KALRN: variants seen among roughly 807,000 people sequenced by gnomAD.
KALRN encodes the protein kalirin.
In KALRN, 70 loss-of-function variants were observed where a neutral mutation model predicts 353.7. That is an observed-to-expected ratio of 0.20 (90% CI 0.16 to 0.24). The LOEUF (loss-of-function observed/expected upper bound fraction) is 0.24. Among genes scored for constraint, KALRN ranks in the 10% least tolerant of loss-of-function variants. KALRN has a pLI of 1.00. For missense variants in KALRN, 2,791 were observed against 3,756.7 expected (o/e 0.74, Z 6.72); for synonymous variants, 1,391 against 1,434.8 (o/e 0.97, Z 0.69).
chr3:124,429,740 G>A (rs1449589413), intron 15 of KALRN, among the ~76,000 whole-genome samples: 1 of 152,160 alleles, frequency 6.6e-6, no homozygotes, highest in Non-Finnish European at 1.5e-5. Flanking sequence ...TTCTCCCAGT[G>A]ATTGTTAACA....
Position 124,642,261 on chromosome 3 carries a change from G to A in KALRN, c.5664+4958G>A, listed in dbSNP as rs555118827. ...ATCGCGCCACTGCACTCCAGCCTGG[G>A]GTGACAAAGCAAGACTGTCTCTACA... On this transcript the variant is annotated intron_variant, in intron 37 of 59. Coordinates refer to ENST00000682506, the MANE Select transcript of KALRN (RefSeq NM_001388419.1). Among the ~76,000 whole-genome samples the A allele has an allele frequency of 2.0e-5, 3 of 151,762 alleles. No individual in the cohort carries two copies. In the South Asian group the frequency reaches 6.3e-4, roughly 32 times the overall value.
At chr3:124,466,429 C>T (rs752134084) in intron 25 of KALRN, among the ~76,000 whole-genome samples, 15 of 152,196 alleles carry the variant, frequency 9.9e-5, no homozygotes, top group Non-Finnish European at 1.6e-4. Context: ...TTTGTTAATG[C>T]AGTCTTCCCA....
In KALRN at chr3:124,657,649, G is replaced by C. The variant is rs1292729898; in HGVS notation, c.5967-85G>C. On this transcript the variant is annotated intron_variant, in intron 40 of 59. Transcript: ENST00000682506. ...CTCAAGGAGTAGGGCTTAGGGGAGA[G>C]TCTTCTGTAATTCATCTTATTATTG... 3.7e-6 allele frequency: 5 copies of C among 1,366,658 alleles called. No individual in the cohort carries two copies. In the African/African-American group the frequency reaches 5.7e-5, roughly 16 times the overall value. 84.7% of individuals were successfully genotyped at this position (1,366,658 alleles called of 1,614,324 possible). A position where few individuals can be genotyped will look rare whatever the true frequency, so the allele number is the denominator to read the frequency against.
intron 17 of KALRN, among the ~76,000 whole-genome samples, chr3:124,437,988 G>A (rs1459268455): frequency 6.6e-6 from 1 of 152,018 alleles, no homozygotes; most frequent in African/African-American, 2.4e-5. Flanking sequence ...GTTTTTATTT[G>A]TATTATTTTT....
At chr3:124,591,354 T>G (rs2075755201) in intron 34 of KALRN, among the ~76,000 whole-genome samples, 1 of 152,148 alleles carries the variant, frequency 6.6e-6, no homozygotes, top group Admixed American at 6.6e-5. Flanking sequence ...CCCAAGCCGG[T>G]CTTGAACTTC....
rs139574813 is a variant in KALRN, at chr3:124,570,394, G to A, written c.5182+7305G>A. Among the ~76,000 whole-genome samples, 402 of 152,286 alleles carry A rather than the reference G, an allele frequency of 2.6e-3. 4 individuals carry two copies. Among genetic ancestry groups the A allele is most frequent in the African/African-American group, 9.3e-3 (387 of 41,556 alleles). On this transcript the variant is annotated intron_variant, in intron 34 of 59. Transcript: ENST00000682506. ...GTACTGGTAATTGACTAGATGTGAGGTAGTCCTTTGAGATTCAGAACTCAC... is the reference window on the plus strand; with the variant it reads ...GTACTGGTAATTGACTAGATGTGAGATAGTCCTTTGAGATTCAGAACTCAC...
At chr3:124,707,394 T>TTTCCTTCC (rs368400674) in intron 57 of KALRN, among the ~76,000 whole-genome samples, 8,568 of 140,666 alleles carry the variant, frequency 0.061, 354 homozygotes, top group African/African-American at 0.094. Context: ...AGAATAGCAG[T>TTTCCTTCC]TTCCTTCCTT....
chr3:124,036,512 T>G (rs1359517511), intron 1 of KALRN, among the ~76,000 whole-genome samples: 1 of 152,020 alleles, frequency 6.6e-6, no homozygotes, highest in Non-Finnish European at 1.5e-5. Flanking sequence ...TTGTGAACAG[T>G]GCTGCAATGA....
intron 2 of KALRN, among the ~76,000 whole-genome samples, chr3:124,229,931 G>A (rs1167722462): frequency 2.0e-5 from 3 of 152,242 alleles, no homozygotes; most frequent in East Asian, 1.9e-4. Flanking sequence ...TGTTGAACAG[G>A]CAGAACAACT....
chr3:124,542,929 G>A (rs986252765), intron 33 of KALRN, among the ~76,000 whole-genome samples: 1 of 152,198 alleles, frequency 6.6e-6, no homozygotes, highest in Non-Finnish European at 1.5e-5. Flanking sequence ...TTTCTTGTGA[G>A]GCGGTAGTCA....
chr3:124,526,551 G>A (rs2067608317), intron 33 of KALRN, among the ~76,000 whole-genome samples: 1 of 152,066 alleles, frequency 6.6e-6, no homozygotes, highest in African/African-American at 2.4e-5. Context: ...CTCCAGCCTG[G>A]GCAATGGAGC....
chr3:124,264,403 T>C, intron 3 of KALRN, 95 bp from the exon 4 acceptor site: 1 of 994,014 alleles, frequency 1.0e-6, no homozygotes. Context: ...GTGATTCTGG[T>C]CAAGGGGAGT....
At position 124,408,544 on chromosome 3, in the gene KALRN, A is replaced by G. The variant is rs149874540; in HGVS notation, c.2347-4926A>G. ...ATAAAGTTGATCAAACACTTAACAC[A>G]TTGCCTGCCCCATAATAAATGCACA... On this transcript the variant is annotated intron_variant, in intron 13 of 59. Transcript: ENST00000682506. 1.4e-3 allele frequency among the ~76,000 whole-genome samples: 209 copies of G among 152,318 alleles called. 1 individual carries two copies. Among genetic ancestry groups the G allele is most frequent in the South Asian group, 4.6e-3 (22 of 4,822 alleles).
At chr3:124,495,985 A>G (rs1240026534) in intron 32 of KALRN, among the ~76,000 whole-genome samples, 57 of 47,692 alleles carry the variant, frequency 1.2e-3, no homozygotes, top group Middle Eastern at 6.3e-3. Context: ...ATATATATAT[A>G]TATATATATA....
intron 5 of KALRN, among the ~76,000 whole-genome samples, chr3:124,271,825 T>C (rs1467173572): frequency 6.6e-6 from 1 of 152,252 alleles, no homozygotes; most frequent in African/African-American, 2.4e-5. Context: ...TGGACTCTTT[T>C]GGTCTGGTGA....
intron 34 of KALRN, among the ~76,000 whole-genome samples, chr3:124,596,953 G>A (rs1307939100): frequency 6.6e-6 from 1 of 152,080 alleles, no homozygotes; most frequent in Non-Finnish European, 1.5e-5. Flanking sequence ...GGAGACTGAG[G>A]CGTGAGAATC....
intron 1 of KALRN, among the ~76,000 whole-genome samples, chr3:124,189,853 C>T: frequency 6.7e-6 from 1 of 150,224 alleles, no homozygotes; most frequent in Admixed American, 6.6e-5. Flanking sequence ...GCAGGAGAAT[C>T]ACTTGAACCC....
intron 34 of KALRN, among the ~76,000 whole-genome samples, chr3:124,605,585 A>G (rs968329350): frequency 8.2e-6 from 1 of 122,250 alleles, no homozygotes; most frequent in Non-Finnish European, 1.9e-5. Flanking sequence ...AAAAAAAAAA[A>G]AAGAGAGAGA....
chr3:124,685,221 G>A (rs972435339), intron 51 of KALRN, among the ~76,000 whole-genome samples: 1 of 152,082 alleles, frequency 6.6e-6, no homozygotes, highest in African/African-American at 2.4e-5. Context: ...GGTGTGGCTT[G>A]AAGACTTCCT....
Sources: allele counts gnomAD v4.1 joint callset (sites outside exome capture counted in the v4.1 genomes callset), GRCh38; gene constraint gnomAD v4.1.1; transcripts MANE v1.5; gene names NCBI Gene and HGNC (gene_info 2026-07-23, HGNC 2026-07-21).